Variants in ZNF462 observed in about 807,000 individuals in gnomAD.
ZNF462 encodes zinc finger PBX1-interacting protein.
A neutral mutation model predicts 201.9 loss-of-function variants in ZNF462; 10 were observed. The observed-to-expected ratio is 0.05, with a 90% CI of 0.03 to 0.08. ZNF462 has a LOEUF of 0.08. Among genes scored for constraint, ZNF462 ranks in the 10% least tolerant of loss-of-function variants. The pLI is 1.00. For synonymous variants in ZNF462, 1,227 were observed against 1,193.3 expected, an observed-to-expected ratio of 1.03 and a Z score of -0.58; for missense variants, 2,523 against 3,168.3, an observed-to-expected ratio of 0.80 and a Z score of 4.89.
At chr9:106,946,589 T>C (rs867525564) in intron 7 of ZNF462, among the ~76,000 whole-genome samples, 22 of 152,216 alleles carry the variant, frequency 1.4e-4, no homozygotes, top group African/African-American at 5.3e-4. Context: ...TGAGCCATGA[T>C]TTAGAGGTAG....
In ZNF462 at chr9:106,929,880, C is replaced by A; in HGVS notation, c.5847+121C>A. On this transcript the variant is annotated intron_variant, in intron 3 of 12. Coordinates refer to ENST00000277225, the MANE Select transcript of ZNF462 (RefSeq NM_021224.6). The surrounding 1 kb of genome is among the most constrained non-coding windows in gnomAD (Gnocchi z 8.7). ...CCTAGTGACTTAGCTTGCCAGAGAG[C>A]TCAATAAGTCAATTAAACATTTCGA... The A allele has an allele frequency of 2.4e-6, 2 of 847,024 alleles. No individual in the cohort carries two copies. Among genetic ancestry groups the A allele is most frequent in the Non-Finnish European group, 3.7e-6 (2 of 547,848 alleles). 52.5% of individuals were successfully genotyped at this position (847,024 alleles called of 1,614,324 possible).
chr9:106,878,782 T>G (rs1466311065), intron 1 of ZNF462, among the ~76,000 whole-genome samples: 1 of 152,258 alleles, frequency 6.6e-6, no homozygotes, highest in East Asian at 1.9e-4. Context: ...TACAATATAA[T>G]CTGCTAACCA....
chr9:106,935,721 G>T lies in ZNF462; in HGVS notation c.6235+100G>T. On this transcript the variant is annotated intron_variant, in intron 6 of 12. Transcript: ENST00000277225. The surrounding 1 kb of genome is among the most constrained non-coding windows in gnomAD (Gnocchi z 4.1). ...AAATACTGTCCTGCCTTACACTTGA[G>T]AATGTTATTCTTGGGATGGATGTAT... The T allele has an allele frequency of 2.3e-6, 2 of 875,306 alleles. No homozygotes were observed. The highest frequency in any genetic ancestry group is 1.8e-6 in the Non-Finnish European group (1 of 568,598). The allele number at this position is 875,306 out of a possible 1,614,324, so 54.2% of individuals were successfully genotyped here.
Position 107,012,639 on chromosome 9 carries a change from G to A in ZNF462, c.*1609G>A, listed in dbSNP as rs1829984425. On this transcript the variant is annotated 3_prime_UTR_variant, in exon 13 of 13. Transcript: ENST00000277225. ...AGGTTTTAGAAGCCCGTGTGTGTGT[G>A]TGCTTGGATGTGTGTGTGCGTGTAT... is the stretch of plus-strand genomic sequence containing the variant. 6.7e-6 allele frequency: 1 copy of A among 149,178 alleles called. No homozygotes were observed. Among genetic ancestry groups the A allele is most frequent in the African/African-American group, 2.5e-5 (1 of 40,714 alleles). The allele number at this position is 149,178 out of a possible 1,614,324, so 9.2% of individuals were successfully genotyped here.
Position 106,932,348 on chromosome 9 carries a change from A to T in ZNF462, c.6013-98A>T. On this transcript the variant is annotated intron_variant, in intron 4 of 12. Coordinates refer to ENST00000277225, the MANE Select transcript of ZNF462 (RefSeq NM_021224.6). This position sits in a 1 kb window ranked among gnomAD's most constrained non-coding sequence, Gnocchi z 6.8. ...AGTGGCGCCCTGGTGGGCCGGGTGG[A>T]TGGTGAACACTGCTTGCTTGATGGA... 6.3e-7 allele frequency: 1 copy of T among 1,582,486 alleles called. No homozygotes were observed. The highest frequency in any genetic ancestry group is 8.6e-7 in the Non-Finnish European group (1 of 1,163,820).
At chr9:106,863,963 C>T (rs1221872600) in intron 1 of ZNF462, among the ~76,000 whole-genome samples, 1 of 151,692 alleles carries the variant, frequency 6.6e-6, no homozygotes, top group Non-Finnish European at 1.5e-5. Flanking sequence ...CCTTCCTTTC[C>T]CCCTTCTGTC....
rs567343582 is a variant in ZNF462, at chr9:107,008,689, A to G, written c.7190-856A>G. ...ATAATCTCTTATCTTTGAGTTTGCC[A>G]GGAGACGTGGCCTGAAAACAGTTAA... On this transcript the variant is annotated intron_variant, in intron 11 of 12. Coordinates refer to ENST00000277225, the MANE Select transcript of ZNF462 (RefSeq NM_021224.6). The surrounding 1 kb of genome is among the most constrained non-coding windows in gnomAD (Gnocchi z 4.8). Among the ~76,000 whole-genome samples, 2 of 152,334 alleles carry G rather than the reference A, an allele frequency of 1.3e-5. No homozygotes were observed. The highest frequency in any genetic ancestry group is 4.1e-4 in the South Asian group (2 of 4,830).
At chr9:106,939,138 C>T (rs1830757242) in intron 7 of ZNF462, 31 bp downstream of exon 7, 1 of 1,535,248 alleles carries the variant, frequency 6.5e-7, no homozygotes. Context: ...TGGAATTAAC[C>T]ACTCAGGGTT....
chr9:106,911,617 C>T (rs975789339), intron 1 of ZNF462, among the ~76,000 whole-genome samples: 5 of 152,160 alleles, frequency 3.3e-5, no homozygotes, highest in African/African-American at 1.2e-4. Flanking sequence ...GAACCACTGT[C>T]GTAAAGGATG....
At chr9:106,937,842 G>A (rs984126776) in intron 6 of ZNF462, among the ~76,000 whole-genome samples, 1 of 151,934 alleles carries the variant, frequency 6.6e-6, no homozygotes, top group African/African-American at 2.4e-5. Context: ...TGTAAATTTA[G>A]GTTATTTCAT....
chr9:106,914,608 G>A (rs564202695), intron 1 of ZNF462, among the ~76,000 whole-genome samples: 2 of 152,278 alleles, frequency 1.3e-5, no homozygotes, highest in South Asian at 4.2e-4. Context: ...CCTTCATTCA[G>A]CGTATATTTC....
intron 1 of ZNF462, among the ~76,000 whole-genome samples, chr9:106,906,465 G>A (rs915352568): frequency 1.3e-5 from 2 of 152,158 alleles, no homozygotes. Flanking sequence ...GCAATGTGTT[G>A]ATTGAGAATT....
chr9:106,908,781 G>C (rs781750992), intron 1 of ZNF462, among the ~76,000 whole-genome samples: 32 of 149,304 alleles, frequency 2.1e-4, no homozygotes, highest in Non-Finnish European at 4.8e-4. Flanking sequence ...GCTATAGTCT[G>C]TTTTTATTTT....
At chr9:106,900,088 C>T (rs573440628) in intron 1 of ZNF462, among the ~76,000 whole-genome samples, 36 of 151,474 alleles carry the variant, frequency 2.4e-4, no homozygotes, top group Admixed American at 1.1e-3. Flanking sequence ...TGAGAACATA[C>T]GATGTTTGGT....
chr9:106,893,267 C>T (rs953630003), intron 1 of ZNF462, among the ~76,000 whole-genome samples: 2 of 152,156 alleles, frequency 1.3e-5, no homozygotes, highest in African/African-American at 2.4e-5. Context: ...GTCTTCTGAC[C>T]AGCCCTTTCC....
In ZNF462 at chr9:106,865,180, T is replaced by G. The variant is rs1827277514; in HGVS notation, c.-31+1825T>G. ...CTTTCACAAGTTATTGAGGCGTTTG[T>G]TTCCATTTTAAAGTAAACTTTTGGA... On this transcript the variant is annotated intron_variant, in intron 1 of 12. Transcript: ENST00000277225. This position sits in a 1 kb window ranked among gnomAD's most constrained non-coding sequence, Gnocchi z 4.1. 1.3e-5 allele frequency among the ~76,000 whole-genome samples: 2 copies of G among 152,230 alleles called. No homozygotes were observed. Among genetic ancestry groups the G allele is most frequent in the African/African-American group, 4.8e-5 (2 of 41,444 alleles).
intron 1 of ZNF462, among the ~76,000 whole-genome samples, chr9:106,906,751 A>C (rs956165920): frequency 6.6e-6 from 1 of 152,238 alleles, no homozygotes; most frequent in Non-Finnish European, 1.5e-5. Flanking sequence ...TAACGTGTTG[A>C]AATTTGTTGA....
rs1320247484 is a variant in ZNF462, at chr9:106,963,396, A to ATTTTC, written c.6428-8606_6428-8602dup. ...TGTCCACAAGTTTAATCCAGGAAAC[A>ATTTTC]TTTTCTTAAGTACCTTTCCAGGCAC... On this transcript the variant is annotated intron_variant, in intron 7 of 12. Transcript: ENST00000277225. This position sits in a 1 kb window ranked among gnomAD's most constrained non-coding sequence, Gnocchi z 4.7. Among the ~76,000 whole-genome samples the ATTTTC allele has an allele frequency of 2.0e-5, 3 of 152,076 alleles. No individual in the cohort carries two copies. In the East Asian group the frequency reaches 5.8e-4, roughly 29 times the overall value.
Position 106,938,717 on chromosome 9 carries a change from GA to G in ZNF462, c.6236-198del, listed in dbSNP as rs1171173710. Among the ~76,000 whole-genome samples the G allele has an allele frequency of 3.3e-5, 5 of 152,172 alleles. No individual in the cohort carries two copies. The highest frequency in any genetic ancestry group is 5.9e-5 in the Non-Finnish European group (4 of 68,036). On this transcript the variant is annotated intron_variant, in intron 6 of 12. Transcript: ENST00000277225. The surrounding 1 kb of genome is among the most constrained non-coding windows in gnomAD (Gnocchi z 4.4). ...AAAAGGACCAGTTCACTAGATTCTGGAGCTCATGGAAGAGTTTCAACTCCAA... is the reference window on the plus strand; with the variant it reads ...AAAAGGACCAGTTCACTAGATTCTGGGCTCATGGAAGAGTTTCAACTCCAA...
Sources: gnomAD v4.1 joint callset for allele counts (sites outside exome capture counted in the v4.1 genomes callset) on GRCh38, gnomAD v4.1.1 for gene constraint, Gnocchi (gnomAD v3.1) non-coding constraint, MANE v1.5 for transcripts, NCBI Gene and HGNC (gene_info 2026-07-23, HGNC 2026-07-21) for gene names.